Variants in MUC5B observed in about 807,000 individuals in gnomAD.
MUC5B encodes the protein mucin-5B.
Under a neutral mutation model 376.9 loss-of-function variants are expected in MUC5B, and 116 were observed. The observed-to-expected ratio is 0.31, with a 90% CI of 0.26 to 0.36. MUC5B has a LOEUF of 0.36. Ranked by LOEUF, MUC5B falls within the 10% of genes least tolerant of loss-of-function variation. The probability of loss-of-function intolerance (pLI) is 1.00; values close to 1 mark genes in which losing one functional copy is unlikely to be tolerated. For synonymous variants in MUC5B, 3,517 were observed against 3,390.9 expected, an observed-to-expected ratio of 1.04 and a Z score of -1.29; for missense variants, 7,165 against 7,769.9, an observed-to-expected ratio of 0.92 and a Z score of 2.93.
rs55834009 is a variant in MUC5B at position 1,258,565 on chromosome 11, A to C, written c.16593+198A>C. On this transcript the variant is annotated intron_variant, in intron 43 of 48. Transcript: ENST00000529681. This position sits in a 1 kb window ranked among gnomAD's most constrained non-coding sequence, Gnocchi z 5.5. ...TACGTCGACAGCCATGAGCTCCACA[A>C]CTGCTGCCTCTGAGAGGTCCCTTCA... is the stretch of plus-strand genomic sequence containing the variant. Among the ~76,000 whole-genome samples the C allele has an allele frequency of 0.025, 3,803 of 152,164 alleles. 63 individuals are homozygous for C. The highest frequency in any genetic ancestry group is 0.033 in the Non-Finnish European group (2,227 of 67,960).
chr11:1,227,501 AG>A lies in MUC5B; in HGVS notation c.667+105del. 3 of 883,286 alleles carry A rather than the reference AG, an allele frequency of 3.4e-6. No homozygotes were observed. In the Admixed American group the frequency reaches 6.1e-5, roughly 18 times the overall value. The allele number at this position is 883,286 out of a possible 1,614,324, so 54.7% of individuals were successfully genotyped here. A position where few individuals can be genotyped will look rare whatever the true frequency, so the allele number is the denominator to read the frequency against. On this transcript the variant is annotated intron_variant, in intron 6 of 48. Transcript: ENST00000529681. ...GGGGGCGGAGTGGGGACCGGGCACC[AG>A]GCAGGGAGGGGCCACGAGGACTGTG...
chr11:1,227,199 C>T, intron 5 of MUC5B, 54 bp downstream of exon 5: 4 of 1,577,166 alleles, frequency 2.5e-6, no homozygotes, highest in Non-Finnish European at 3.5e-6. Context: ...AAAACCCCCA[C>T]CGGGGGTCGA....
chr11:1,253,674 G>C lies in MUC5B; in HGVS notation c.15218-418G>C, dbSNP rs1385573786. 6.6e-6 allele frequency among the ~76,000 whole-genome samples: 1 copy of C among 152,040 alleles called. No homozygotes were observed. The highest frequency in any genetic ancestry group is 1.5e-5 in the Non-Finnish European group (1 of 68,002). ...GTCCTTCCTGCCTCTCCCAGCTTTG[G>C]GGACTCCAGGTGTCCTTTGGCTGTG... On this transcript the variant is annotated intron_variant, in intron 33 of 48. Transcript: ENST00000529681. The surrounding 1 kb of genome is among the most constrained non-coding windows in gnomAD (Gnocchi z 4.3).
Position 1,241,304 on chromosome 11 carries a change from G to A in MUC5B, c.4424G>A (p.Arg1475Gln), listed in dbSNP as rs748098566. 35 of 1,603,518 alleles carry A rather than the reference G, an allele frequency of 2.2e-5. No homozygotes were observed. Among genetic ancestry groups the A allele is most frequent in the Middle Eastern group, 3.3e-4 (2 of 6,074 alleles). ...ACCCTATGGGTGACCCCGAGCATCC[G>A]GTCGACGGCGGCCCTCACCTCGCAG... The part of the protein sequence containing the change: ...KTTLWVTPSI[R>Q]STAALTSQTG... The change falls in exon 31 of 49, where the codon CGG becomes CAG. Residue 1475 changes from arginine to glutamine, a missense_variant. Arg to Gln is a conservative substitution (Grantham distance 43). This residue lies in a region of MUC5B where 517 missense variants were observed against 545.3 expected (regional missense o/e 0.95). Transcript: ENST00000529681.
rs1471086014 is a variant in MUC5B, at chr11:1,261,762, C to T, written c.*154C>T. ...CTGCTGCCCACCCCGTGGGTGAAACCGGCCCCAGAAGGGTGAGGGGCCAGC... is the reference window on the plus strand; with the variant it reads ...CTGCTGCCCACCCCGTGGGTGAAACTGGCCCCAGAAGGGTGAGGGGCCAGC... On this transcript the variant is annotated 3_prime_UTR_variant, in exon 49 of 49. Transcript: ENST00000529681. 36 of 801,020 alleles carry T rather than the reference C, an allele frequency of 4.5e-5. No homozygotes were observed. The highest frequency in any genetic ancestry group is 5.9e-5 in the Non-Finnish European group (28 of 476,524). The allele number at this position is 801,020 out of a possible 1,614,324, so 49.6% of individuals were successfully genotyped here.
Position 1,246,247 on chromosome 11 carries a change from T to G in MUC5B, c.9367T>G (p.Ser3123Ala). The G allele has an allele frequency of 6.2e-7, 1 of 1,605,622 alleles. No individual in the cohort carries two copies. Among genetic ancestry groups the G allele is most frequent in the Non-Finnish European group, 8.5e-7 (1 of 1,177,274 alleles). The change falls in exon 31 of 49, where the codon TCC (serine) becomes GCC (alanine). Residue 3123 changes from serine to alanine, a missense_variant. By Grantham distance (99) the Ser-to-Ala change is moderately conservative (BLOSUM62 1). Around this residue, in one of 31 missense-constraint regions of MUC5B, gnomAD observed 939 missense variants for 770.6 expected, o/e 1.22. Transcript: ENST00000529681. ...CACGACAAGGGCCACCAGTTCCATG[T>G]CCACCCCCTCCTCCACTCCGGGGAC... ...ATTTRATSSM[S>A]TPSSTPGTTW...
chr11:1,225,646 A>C (rs750088116), intron 1 of MUC5B, 35 bp from the exon 2 acceptor site: 19 of 1,567,994 alleles, frequency 1.2e-5, no homozygotes, highest in Non-Finnish European at 1.5e-5. Context: ...AGCCACATCT[A>C]GTTCCTCACT....
Position 1,238,938 on chromosome 11 carries a change from G to A in MUC5B, c.3365G>A (p.Cys1122Tyr), listed in dbSNP as rs1384138827. 6.3e-7 allele frequency: 1 copy of A among 1,575,666 alleles called. No homozygotes were observed. Among genetic ancestry groups the A allele is most frequent in the Non-Finnish European group, 8.6e-7 (1 of 1,160,978 alleles). Reference sequence around the variant, plus strand: ...TGTGCCTGCGACTCGGGTGGCGACTGCGAGTGTTTCTGCACGGCTGTGGCT... The same window carrying A: ...TGTGCCTGCGACTCGGGTGGCGACTACGAGTGTTTCTGCACGGCTGTGGCT... ...DACACDSGGD[C>Y]ECFCTAVAAY... is the part of the protein sequence containing the mutation. The change falls in exon 26 of 49, where the codon TGC (cysteine) becomes TAC (tyrosine). Residue 1122 changes from cysteine (C) to tyrosine (Y), a missense_variant. Physicochemically the swap from Cys to Tyr is radical, Grantham distance 194. Around this residue, in one of 31 missense-constraint regions of MUC5B, gnomAD observed 143 missense variants for 193.2 expected, o/e 0.74. Transcript: ENST00000529681.
chr11:1,229,847 T>G (rs376983232), intron 10 of MUC5B, 40 bp downstream of exon 10: 40 of 1,553,478 alleles, frequency 2.6e-5, no homozygotes, highest in Non-Finnish European at 3.5e-5. Flanking sequence ...GGGTGGGGTG[T>G]GGAGCTCCTG....
chr11:1,238,879 C>T lies in MUC5B; in HGVS notation c.3306C>T (p.Ser1102=), dbSNP rs1432245997. The T allele has an allele frequency of 6.4e-7, 1 of 1,557,360 alleles. No individual in the cohort carries two copies. The highest frequency in any genetic ancestry group is 1.9e-5 in the Admixed American group (1 of 52,088). Residue 1102 remains serine, a synonymous_variant, in exon 26 of 49, where the codon TCC becomes TCT. Transcript: ENST00000529681. The stretch of plus-strand genomic sequence containing the variant: ...CTTGGCCTCACCCGCAGGTTGACTC[C>T]ACCAAGTACTACGAGGCCTGCGTGA... The part of the protein sequence containing the change: ...TFAACRSQVD[S]TKYYEACVND...
At chr11:1,227,836 G>A in intron 7 of MUC5B, 55 bp downstream of exon 7, 2 of 676,968 alleles carry the variant, frequency 3.0e-6, no homozygotes, top group Non-Finnish European at 5.6e-6. Context: ...AGGTCCAGGG[G>A]GAGCTGGGCC....
rs773372290 is a variant in MUC5B at position 1,239,858 on chromosome 11, G to A, written c.3643G>A (p.Val1215Met). The A allele has an allele frequency of 9.9e-6, 16 of 1,613,016 alleles. No homozygotes were observed. The highest frequency in any genetic ancestry group is 8.3e-5 in the Admixed American group (5 of 59,898). The change falls in exon 28 of 49, where the codon GTG (valine) becomes ATG (methionine). Residue 1215 changes from valine (V) to methionine (M), a missense_variant. Val to Met is a conservative substitution (Grantham distance 21, BLOSUM62 1). This residue lies in a region of MUC5B where 517 missense variants were observed against 545.3 expected (regional missense o/e 0.95). Transcript: ENST00000529681. The part of the protein sequence containing the change: ...PFFNEDQMKC[V>M]AQCGCYDKDG... Reference sequence around the variant, plus strand: ...CTTCAATGAGGACCAGATGAAGTGCGTGGCCCAGTGTGGCTGCTACGACAA... The same window carrying A: ...CTTCAATGAGGACCAGATGAAGTGCATGGCCCAGTGTGGCTGCTACGACAA...
rs114687104 is a variant in MUC5B at position 1,249,735 on chromosome 11, G to A, written c.12855G>A (p.Pro4285=). ...TAPPPKVLTS[P]ATTPTATSSK... ...CCCCTCCCAAAGTGCTGACCAGCCC[G>A]GCCACCACACCCACAGCCACCAGTT... The change falls in exon 31 of 49, where the codon CCG becomes CCA. Residue 4285 remains proline, a synonymous_variant. Coordinates refer to ENST00000529681, the MANE Select transcript of MUC5B (RefSeq NM_002458.3). 60,609 of 1,608,838 alleles carry A rather than the reference G, an allele frequency of 0.038. 2,352 individuals are homozygous for A. The highest frequency in any genetic ancestry group is 0.098 in the African/African-American group (7,247 of 73,944).
chr11:1,260,427 C>T (rs1389892829), intron 47 of MUC5B, 34 bp downstream of exon 47: 3 of 1,610,832 alleles, frequency 1.9e-6, no homozygotes, highest in Non-Finnish European at 2.5e-6. Flanking sequence ...ACCAGCCCTC[C>T]AGCTCCAGCC....
rs1220648696 is a variant in MUC5B, at chr11:1,259,792, G to A, written c.16750G>A (p.Gly5584Arg). 2 of 1,612,440 alleles carry A rather than the reference G, an allele frequency of 1.2e-6. No individual in the cohort carries two copies. The highest frequency in any genetic ancestry group is 1.7e-6 in the Non-Finnish European group (2 of 1,179,692). The change falls in exon 45 of 49, where the codon GGG becomes AGG. Residue 5584 changes from glycine (G) to arginine (R), a missense_variant. Physicochemically the swap from Gly to Arg is moderately radical, Grantham distance 125. Around this residue, in one of 31 missense-constraint regions of MUC5B, gnomAD observed 842 missense variants for 1,016.9 expected, o/e 0.83. Transcript: ENST00000529681. ...CAAGAGAGTGGCCGGGCAGTGCTGT[G>A]GGGAGTGCGTCCAGACCGCCTGCCT... ...EYKRVAGQCC[G>R]ECVQTACLTP...
chr11:1,229,131 G>A (rs1255546015), intron 8 of MUC5B, 39 bp from the exon 9 acceptor site: 1 of 1,538,914 alleles, frequency 6.5e-7, no homozygotes, highest in Admixed American at 1.9e-5. Context: ...GGCAGTACAG[G>A]GCCCTTCCCC....
rs956894074 is a variant in MUC5B at position 1,227,045 on chromosome 11, A to G, written c.476A>G (p.Tyr159Cys). The G allele has an allele frequency of 6.2e-7, 1 of 1,610,656 alleles. No individual in the cohort carries two copies. Among genetic ancestry groups the G allele is most frequent in the African/African-American group, 1.3e-5 (1 of 74,898 alleles). Residue 159 changes from tyrosine to cysteine, a missense_variant, in exon 5 of 49, where the codon TAC becomes TGC. By Grantham distance (194) the Tyr-to-Cys change is radical. Coordinates refer to ENST00000529681, the MANE Select transcript of MUC5B (RefSeq NM_002458.3). Reference sequence around the variant, plus strand: ...TGTCTGCGCAGGGAGGAGCTGCCTTACAGCCGCACTGGCCTCCTGGTGGAG... The same window carrying G: ...TGTCTGCGCAGGGAGGAGCTGCCTTGCAGCCGCACTGGCCTCCTGGTGGAG... ...LINGQREELPYSRTGLLVEQS... is the reference protein window; with the variant it reads ...LINGQREELPCSRTGLLVEQS...
chr11:1,240,914 A>G lies in MUC5B; in HGVS notation c.4034A>G (p.Asn1345Ser), dbSNP rs758090330. The change falls in exon 31 of 49, where the codon AAT becomes AGT. Residue 1345 changes from asparagine (N) to serine (S), a missense_variant. Transcript: ENST00000529681. ...GTCTGCCGCTGGTCCAGCTGGTACA[A>G]TGGGCACCGCCCAGAGCCCGGCCTG... ...REVCRWSSWY[N>S]GHRPEPGLGG... The G allele has an allele frequency of 1.2e-5, 19 of 1,612,778 alleles. No homozygotes were observed. The highest frequency in any genetic ancestry group is 1.4e-5 in the Non-Finnish European group (17 of 1,179,838).
At position 1,234,352 on chromosome 11, in the gene MUC5B, C is replaced by T; in HGVS notation, c.2478+47C>T. ...GGGGTGGGCAGGGAAGGGGTCCCAG[C>T]TTTCCCAGCTCCCGAGCCCAGGGAT... is the stretch of plus-strand genomic sequence containing the variant. On this transcript the variant is annotated intron_variant, in intron 20 of 48. Transcript: ENST00000529681. This position sits in a 1 kb window ranked among gnomAD's most constrained non-coding sequence, Gnocchi z 6.3. 1 of 1,535,576 alleles carries T rather than the reference C, an allele frequency of 6.5e-7. No homozygotes were observed. Among genetic ancestry groups the T allele is most frequent in the Non-Finnish European group, 8.9e-7 (1 of 1,129,404 alleles).
Sources: allele counts gnomAD v4.1 joint callset (sites outside exome capture counted in the v4.1 genomes callset), GRCh38; gene constraint gnomAD v4.1.1; regional missense constraint gnomAD v4.1.1; non-coding constraint Gnocchi (gnomAD v3.1); transcripts MANE v1.5; gene names NCBI Gene and HGNC (gene_info 2026-07-23, HGNC 2026-07-21).